The following TLE4 variants were observed in gnomAD, a reference collection of about 807,000 sequenced individuals.
TLE4 encodes the protein TLE family member 4, transcriptional corepressor.
In TLE4, 8 loss-of-function variants were observed where a neutral mutation model predicts 92.8. The ratio of observed to expected loss-of-function variants is 0.09; its 90% CI spans 0.05 to 0.16. The LOEUF (loss-of-function observed/expected upper bound fraction) is 0.16, where lower values mean the gene tolerates loss of function less well. Ranked by LOEUF, TLE4 falls within the 10% of genes least tolerant of loss-of-function variation. The pLI is 1.00. For missense variants in TLE4, 675 were observed against 997.6 expected, an observed-to-expected ratio of 0.68 and a Z score of 4.36; for synonymous variants, 371 against 374.1, an observed-to-expected ratio of 0.99 and a Z score of 0.10.
At chr9:79,671,554 G>T in intron 8 of TLE4, 1 of 253,336 alleles carries the variant, frequency 3.9e-6, no homozygotes, top group Non-Finnish European at 8.3e-6. Context: ...TGTCGAGCAG[G>T]AGAGACTCTT....
At chr9:79,722,701 G>T (rs1045254384) in intron 18 of TLE4, 100 bp downstream of exon 18, 33 of 1,415,078 alleles carry the variant, frequency 2.3e-5, no homozygotes, top group Non-Finnish European at 3.2e-5. Context: ...TCATTACCAT[G>T]CCCCTCTTCA....
chr9:79,668,735 T>C lies in TLE4; in HGVS notation c.609+14660T>C, dbSNP rs138388797. The C allele has an allele frequency of 1.3e-3, 817 of 629,724 alleles. 8 individuals are homozygous for C. The African/African-American group carries it at 0.034, about 27-fold the overall frequency. The allele number at this position is 629,724 out of a possible 1,614,324, so 39.0% of individuals were successfully genotyped here. A position where few individuals can be genotyped will look rare whatever the true frequency, so the allele number is the denominator to read the frequency against. ...TTAAGAAGAACAGTATATGCTAAAA[T>C]AGTATAGCTAGCAAATGGAAGTCAT... On this transcript the variant is annotated intron_variant, in intron 8 of 19. Transcript: ENST00000376552.
chr9:79,665,238 G>T lies in TLE4; in HGVS notation c.609+11163G>T, dbSNP rs533438885. 3.1e-4 allele frequency among the ~76,000 whole-genome samples: 47 copies of T among 152,190 alleles called. 3 individuals are homozygous for T. In the South Asian group the frequency reaches 9.7e-3, roughly 32 times the overall value. On this transcript the variant is annotated intron_variant, in intron 8 of 19. Coordinates refer to ENST00000376552, the MANE Select transcript of TLE4 (RefSeq NM_007005.6). ...ATGGTTCCTGACTTTGAAACCTGTT[G>T]GTATTGACAGATGAACTTGCAGTCC...
intron 8 of TLE4, among the ~76,000 whole-genome samples, chr9:79,667,339 C>T (rs1390929803): frequency 6.6e-6 from 1 of 152,162 alleles, no homozygotes; most frequent in Non-Finnish European, 1.5e-5. Flanking sequence ...GGGCCCTTCT[C>T]CTTCTCGCCA....
At position 79,702,685 on chromosome 9, in the gene TLE4, T is replaced by C. The variant is rs185134566; in HGVS notation, c.610-2098T>C. Among the ~76,000 whole-genome samples the C allele has an allele frequency of 2.2e-3, 337 of 152,256 alleles. 5 individuals are homozygous for C. Among genetic ancestry groups the C allele is most frequent in the Non-Finnish European group, 2.2e-3 (153 of 68,004 alleles). On this transcript the variant is annotated intron_variant, in intron 8 of 19. Transcript: ENST00000376552. ...TTTGATAGGTCTAGGGCTAGAGTAT[T>C]CATATAAAACCTCAAGAGGGGCTGG... is the stretch of plus-strand genomic sequence containing the variant.
At chr9:79,689,822 C>CTGAA (rs1342657326) in intron 8 of TLE4, among the ~76,000 whole-genome samples, 1 of 152,160 alleles carries the variant, frequency 6.6e-6, no homozygotes, top group Non-Finnish European at 1.5e-5. Flanking sequence ...TGTTGATTAT[C>CTGAA]TGAATATGCC....
intron 5 of TLE4, among the ~76,000 whole-genome samples, chr9:79,624,637 G>T (rs1471898432): frequency 6.6e-6 from 1 of 152,180 alleles, no homozygotes. Context: ...TGGCTCACTG[G>T]TGTGCGTTTC....
At chr9:79,575,379 A>AAAGGAG (rs1331762500) in intron 3 of TLE4, among the ~76,000 whole-genome samples, 1 of 152,176 alleles carries the variant, frequency 6.6e-6, no homozygotes, top group African/African-American at 2.4e-5. Flanking sequence ...ATTTCTTTGA[A>AAAGGAG]AAGGAGTGAT....
At chr9:79,604,496 A>G (rs563376236) in intron 4 of TLE4, among the ~76,000 whole-genome samples, 37 of 152,288 alleles carry the variant, frequency 2.4e-4, no homozygotes, top group Admixed American at 3.9e-4. Flanking sequence ...ACAGCTTCAA[A>G]GAATTGGAAT....
At chr9:79,666,680 G>A (rs1424794678) in intron 8 of TLE4, among the ~76,000 whole-genome samples, 1 of 152,188 alleles carries the variant, frequency 6.6e-6, no homozygotes, top group Non-Finnish European at 1.5e-5. Context: ...AATAAAATCA[G>A]CACTTTAATT....
At chr9:79,659,357 G>T (rs2060210003) in intron 8 of TLE4, among the ~76,000 whole-genome samples, 1 of 151,612 alleles carries the variant, frequency 6.6e-6, no homozygotes, top group Admixed American at 6.6e-5. Flanking sequence ...TTTTGCTCCT[G>T]TGTACTTCAA....
chr9:79,690,855 C>T (rs1012081413), intron 8 of TLE4, among the ~76,000 whole-genome samples: 5 of 136,196 alleles, frequency 3.7e-5, no homozygotes, highest in African/African-American at 8.3e-5. Flanking sequence ...AGTCTGGTCT[C>T]GAACTCTTGG....
In TLE4 at chr9:79,575,016, G is replaced by T. The variant is rs1029414827; in HGVS notation, c.207+80G>T. 6 of 1,223,598 alleles carry T rather than the reference G, an allele frequency of 4.9e-6. No individual in the cohort carries two copies. In the African/African-American group the frequency reaches 5.9e-5, roughly 12 times the overall value. The allele number at this position is 1,223,598 out of a possible 1,614,324, so 75.8% of individuals were successfully genotyped here. A position where few individuals can be genotyped will look rare whatever the true frequency, so the allele number is the denominator to read the frequency against. On this transcript the variant is annotated intron_variant, in intron 3 of 19. Coordinates refer to ENST00000376552, the MANE Select transcript of TLE4 (RefSeq NM_007005.6). ...CAAGAATATGTTTAAATTGCTGGGG[G>T]CTGCAAGATAGATCACAGTCACCCT... is the stretch of plus-strand genomic sequence containing the variant.
chr9:79,723,491 T>G lies in TLE4; in HGVS notation c.2214+456T>G, dbSNP rs141590372. ...GTTTTATAAACTTTTATTTTCCCTATTGACTCAGTGGAACTTTGTATAGCT... is the reference window on the plus strand; with the variant it reads ...GTTTTATAAACTTTTATTTTCCCTAGTGACTCAGTGGAACTTTGTATAGCT... On this transcript the variant is annotated intron_variant, in intron 19 of 19. Coordinates refer to ENST00000376552, the MANE Select transcript of TLE4 (RefSeq NM_007005.6). Among the ~76,000 whole-genome samples, 282 of 152,340 alleles carry G rather than the reference T, an allele frequency of 1.9e-3. 2 individuals carry two copies. The highest frequency in any genetic ancestry group is 0.014 in the Middle Eastern group (4 of 294).
At chr9:79,573,521 G>T in intron 1 of TLE4, 168 bp from the exon 2 acceptor site, 1 of 830,084 alleles carries the variant, frequency 1.2e-6, no homozygotes, top group Non-Finnish European at 1.7e-6. Flanking sequence ...ACCAGCCTCT[G>T]CCTGGGCTGT....
intron 1 of TLE4, chr9:79,573,326 G>C: frequency 2.8e-6 from 3 of 1,068,852 alleles, no homozygotes; most frequent in Non-Finnish European, 3.4e-6. Flanking sequence ...ACCGCAGCCC[G>C]ACGCCATGGC....
At chr9:79,719,342 A>G (rs1263623214) in intron 15 of TLE4, among the ~76,000 whole-genome samples, 2 of 151,928 alleles carry the variant, frequency 1.3e-5, no homozygotes, top group Non-Finnish European at 2.9e-5. Context: ...GGCAAATACT[A>G]GATAGCCCCT....
intron 4 of TLE4, among the ~76,000 whole-genome samples, chr9:79,584,814 A>C (rs1250091985): frequency 6.6e-6 from 1 of 152,236 alleles, no homozygotes; most frequent in African/African-American, 2.4e-5. Flanking sequence ...TGTGCCTTTG[A>C]GGAACAAGTT....
chr9:79,598,449 G>A (rs914595595), intron 4 of TLE4, among the ~76,000 whole-genome samples: 73 of 152,114 alleles, frequency 4.8e-4, no homozygotes, highest in Non-Finnish European at 5.1e-4. Context: ...GGCTTTGCTG[G>A]GAATGGTCTT....
Sources: gnomAD v4.1 joint callset for allele counts (sites outside exome capture counted in the v4.1 genomes callset) on GRCh38, gnomAD v4.1.1 for gene constraint, MANE v1.5 for transcripts, NCBI Gene and HGNC (gene_info 2026-07-23, HGNC 2026-07-21) for gene names.